The following NDUFS4 variants were observed in gnomAD, a reference collection of about 807,000 sequenced individuals.
NDUFS4 encodes NADH dehydrogenase [ubiquinone] iron-sulfur protein 4, mitochondrial.
A neutral mutation model predicts 24.3 loss-of-function variants in NDUFS4; 28 were observed. The observed-to-expected ratio is 1.15, with a 90% CI of 0.85 to 1.58. The LOEUF (loss-of-function observed/expected upper bound fraction) is 1.58. Among genes scored for constraint, NDUFS4 ranks in the 40% most tolerant of loss-of-function variants. The pLI, the probability that NDUFS4 is intolerant of heterozygous loss-of-function variation, is 0.00. For missense variants in NDUFS4, 223 were observed against 207.9 expected (o/e 1.07, Z -0.45); for synonymous variants, 93 against 69.7 (o/e 1.34, Z -1.67).
At chr5:53,644,709 A>C (rs573391991) in intron 2 of NDUFS4, among the ~76,000 whole-genome samples, 1 of 152,170 alleles carries the variant, frequency 6.6e-6, no homozygotes, top group South Asian at 2.1e-4. Context: ...GGAAACTTTA[A>C]AAATAAGTAA....
At chr5:53,638,520 G>A (rs539559442) in intron 2 of NDUFS4, among the ~76,000 whole-genome samples, 1 of 152,082 alleles carries the variant, frequency 6.6e-6, no homozygotes, top group Admixed American at 6.5e-5. Flanking sequence ...ACACAAAGAG[G>A]GGAACAACAG....
intron 1 of NDUFS4, among the ~76,000 whole-genome samples, chr5:53,601,804 C>G (rs914595948): frequency 2.0e-5 from 3 of 152,156 alleles, no homozygotes; most frequent in African/African-American, 7.2e-5. Flanking sequence ...AGGATACCTG[C>G]GTTAGTCAGA....
At chr5:53,674,388 A>G (rs1740388448) in intron 4 of NDUFS4, among the ~76,000 whole-genome samples, 1 of 152,162 alleles carries the variant, frequency 6.6e-6, no homozygotes, top group Non-Finnish European at 1.5e-5. Context: ...GGTCTACTTC[A>G]AGGTACAAGG....
chr5:53,580,777 CTCTCTTTCTTTCTCTT>C (rs1237397825), intron 1 of NDUFS4, among the ~76,000 whole-genome samples: 4 of 141,388 alleles, frequency 2.8e-5, no homozygotes, highest in Non-Finnish European at 6.1e-5. Flanking sequence ...TTCTTTCTCT[CTCTCTTTCTTTCTCTT>C]TCTCTCTTTC....
At chr5:53,592,756 C>T (rs1750014467) in intron 1 of NDUFS4, among the ~76,000 whole-genome samples, 4 of 152,170 alleles carry the variant, frequency 2.6e-5, no homozygotes, top group African/African-American at 9.7e-5. Context: ...ATACCACAGT[C>T]CTTATTACTA....
intron 2 of NDUFS4, among the ~76,000 whole-genome samples, chr5:53,606,705 A>G (rs1336018206): frequency 1.3e-5 from 2 of 152,182 alleles, no homozygotes; most frequent in African/African-American, 2.4e-5. Context: ...AGAACTGACT[A>G]TCACTAAGAC....
chr5:53,615,817 A>T (rs1457060259), intron 2 of NDUFS4, among the ~76,000 whole-genome samples: 2 of 152,146 alleles, frequency 1.3e-5, no homozygotes, highest in Non-Finnish European at 2.9e-5. Flanking sequence ...AACATATAGG[A>T]TACAGAAATA....
chr5:53,572,168 G>A lies in NDUFS4; in HGVS notation c.98+11408G>A, dbSNP rs562121569. Among the ~76,000 whole-genome samples the A allele has an allele frequency of 2.0e-5, 3 of 152,264 alleles. No homozygotes were observed. The East Asian group carries it at 5.8e-4, about 29-fold the overall frequency. Reference sequence around the variant, plus strand: ...ATAGAACAAAGGGGATTTGGTATATGGTAATAAGCTGGGGGAAACAGCAAA... The same window carrying A: ...ATAGAACAAAGGGGATTTGGTATATAGTAATAAGCTGGGGGAAACAGCAAA... On this transcript the variant is annotated intron_variant, in intron 1 of 4. Coordinates refer to ENST00000296684, the MANE Select transcript of NDUFS4 (RefSeq NM_002495.4).
At chr5:53,639,056 AT>A (rs1325588784) in intron 2 of NDUFS4, among the ~76,000 whole-genome samples, 2 of 151,806 alleles carry the variant, frequency 1.3e-5, no homozygotes, top group African/African-American at 2.4e-5. Context: ...CAAACCAGTT[AT>A]TTTACTTTAG....
intron 3 of NDUFS4, among the ~76,000 whole-genome samples, chr5:53,651,875 C>G (rs1752028300): frequency 6.6e-6 from 1 of 151,382 alleles, no homozygotes; most frequent in Non-Finnish European, 1.5e-5. Flanking sequence ...CGGGTTCATG[C>G]CATTCTTCTG....
Position 53,601,007 on chromosome 5 carries a change from T to A in NDUFS4, c.99-2445T>A, listed in dbSNP as rs1750302052. ...CAGTGCGTTTGTTTATAATAAATTT[T>A]TTTTTTTTTTTTTTTGAGACGGAGT... On this transcript the variant is annotated intron_variant, in intron 1 of 4. Transcript: ENST00000296684. Among the ~76,000 whole-genome samples the A allele has an allele frequency of 2.0e-5, 3 of 148,282 alleles. No homozygotes were observed. The South Asian group carries it at 6.4e-4, about 32-fold the overall frequency.
chr5:53,683,087 C>G lies in NDUFS4; in HGVS notation c.425-31C>G, dbSNP rs1285656348. The G allele has an allele frequency of 2.1e-6, 3 of 1,396,456 alleles. No homozygotes were observed. In the Admixed American group the frequency reaches 5.0e-5, roughly 23 times the overall value. The allele number at this position is 1,396,456 out of a possible 1,614,324, so 86.5% of individuals were successfully genotyped here. On this transcript the variant is annotated intron_variant, in intron 4 of 4. Coordinates refer to ENST00000296684, the MANE Select transcript of NDUFS4 (RefSeq NM_002495.4). ...TCAGGTATCCTCTTTAATTCTGTTT[C>G]TGTGGATTTGTCTTTGTTTTTTCCT...
intron 1 of NDUFS4, among the ~76,000 whole-genome samples, chr5:53,597,282 A>G (rs941963407): frequency 6.6e-6 from 1 of 152,174 alleles, no homozygotes; most frequent in African/African-American, 2.4e-5. Flanking sequence ...GGGAGTGAAA[A>G]CAGATAGTTT....
chr5:53,606,430 C>T (rs544652194), intron 2 of NDUFS4, among the ~76,000 whole-genome samples: 160 of 152,062 alleles, frequency 1.1e-3, no homozygotes, highest in African/African-American at 3.5e-3. Flanking sequence ...TGCAGCGGCG[C>T]GATCTCGGCT....
intron 1 of NDUFS4, among the ~76,000 whole-genome samples, chr5:53,586,284 A>G (rs1250248439): frequency 6.7e-6 from 1 of 150,272 alleles, no homozygotes; most frequent in Non-Finnish European, 1.5e-5. Flanking sequence ...AGCCGAGATC[A>G]CGCCATTGTA....
intron 3 of NDUFS4, among the ~76,000 whole-genome samples, chr5:53,658,167 G>T (rs934641010): frequency 2.0e-5 from 3 of 152,042 alleles, no homozygotes; most frequent in African/African-American, 7.2e-5. Context: ...AATGTGTATT[G>T]TTGCATTTTC....
At chr5:53,612,658 G>A (rs1750733629) in intron 2 of NDUFS4, among the ~76,000 whole-genome samples, 1 of 152,050 alleles carries the variant, frequency 6.6e-6, no homozygotes, top group Non-Finnish European at 1.5e-5. Flanking sequence ...CAATTAAACA[G>A]CACTTAAGCT....
intron 2 of NDUFS4, among the ~76,000 whole-genome samples, chr5:53,627,096 C>T (rs928749525): frequency 2.6e-5 from 4 of 152,198 alleles, no homozygotes; most frequent in African/African-American, 9.6e-5. Flanking sequence ...CAGCTTTCTA[C>T]ATATGGCTAG....
intron 3 of NDUFS4, among the ~76,000 whole-genome samples, chr5:53,648,598 T>C (rs10513019): frequency 0.16 from 24,418 of 152,140 alleles, 1,953 homozygotes; most frequent in Middle Eastern, 0.18. Context: ...AATGGTCATA[T>C]ACAGACAAAA....
Sources: gnomAD v4.1 joint callset for allele counts (sites outside exome capture counted in the v4.1 genomes callset) on GRCh38, gnomAD v4.1.1 for gene constraint, MANE v1.5 for transcripts, NCBI Gene and HGNC (gene_info 2026-07-23, HGNC 2026-07-21) for gene names.